TMCC1: variants seen among roughly 807,000 people sequenced by gnomAD.
TMCC1 encodes the protein transmembrane and coiled-coil domain family 1.
In TMCC1, 15 loss-of-function variants were observed where a neutral mutation model predicts 52.4. The observed-to-expected ratio is 0.29, with a 90% CI of 0.19 to 0.44. TMCC1 has a LOEUF of 0.44. TMCC1 is among the 20% of genes least tolerant of loss of function. The probability of loss-of-function intolerance (pLI) is 1.00; values close to 1 mark genes in which losing one functional copy is unlikely to be tolerated. For synonymous variants in TMCC1, 279 were observed against 301.9 expected (o/e 0.92, Z 0.79); for missense variants, 503 against 806.0 (o/e 0.62, Z 4.55).
At chr3:129,735,248 T>C (rs1365626003) in intron 4 of TMCC1, among the ~76,000 whole-genome samples, 1 of 152,122 alleles carries the variant, frequency 6.6e-6, no homozygotes, top group Non-Finnish European at 1.5e-5. Context: ...AAAAAAACTA[T>C]GAGAACATAT....
intron 2 of TMCC1, among the ~76,000 whole-genome samples, chr3:129,871,671 A>T (rs2060936828): frequency 1.3e-5 from 2 of 152,224 alleles, no homozygotes; most frequent in Non-Finnish European, 2.9e-5. Context: ...TTTGCAACAC[A>T]TAAGCTAATT....
chr3:129,820,165 T>C (rs1418522092), intron 4 of TMCC1, among the ~76,000 whole-genome samples: 1 of 150,154 alleles, frequency 6.7e-6, no homozygotes, highest in East Asian at 2.0e-4. Context: ...AAAGCATGAC[T>C]TCTAGAGCTA....
intron 4 of TMCC1, among the ~76,000 whole-genome samples, chr3:129,681,138 A>G (rs2088941131): frequency 6.6e-6 from 1 of 152,168 alleles, no homozygotes; most frequent in Admixed American, 6.5e-5. Flanking sequence ...TATAATATTT[A>G]TGGCATTTTC....
intron 4 of TMCC1, among the ~76,000 whole-genome samples, chr3:129,718,868 T>C (rs1359908310): frequency 6.6e-6 from 1 of 152,152 alleles, no homozygotes; most frequent in East Asian, 1.9e-4. Context: ...TTGATAAGGC[T>C]CTGGTCAGCA....
intron 5 of TMCC1, among the ~76,000 whole-genome samples, chr3:129,656,465 T>C (rs1462654439): frequency 6.6e-6 from 1 of 152,246 alleles, no homozygotes; most frequent in African/African-American, 2.4e-5. Flanking sequence ...CCTTTCTTTC[T>C]TCTTTTTAAT....
At chr3:129,796,174 T>A (rs1299425246) in intron 4 of TMCC1, among the ~76,000 whole-genome samples, 1 of 152,212 alleles carries the variant, frequency 6.6e-6, no homozygotes, top group Non-Finnish European at 1.5e-5. Context: ...TTAGATACAC[T>A]AATACATACC....
chr3:129,727,428 A>G (rs1378429976), intron 4 of TMCC1, among the ~76,000 whole-genome samples: 1 of 152,216 alleles, frequency 6.6e-6, no homozygotes, highest in Non-Finnish European at 1.5e-5. Context: ...AGGTACACAA[A>G]GAATGAAGTT....
intron 2 of TMCC1, among the ~76,000 whole-genome samples, chr3:129,874,631 AT>A (rs1361769355): frequency 1.3e-5 from 2 of 152,190 alleles, no homozygotes; most frequent in African/African-American, 2.4e-5. Flanking sequence ...CTGAGGTGGA[AT>A]GACTGCTTGA....
chr3:129,858,337 A>G (rs1447918132), intron 2 of TMCC1, among the ~76,000 whole-genome samples: 1 of 151,240 alleles, frequency 6.6e-6, no homozygotes, highest in Non-Finnish European at 1.5e-5. Flanking sequence ...AATTACAGGA[A>G]CCTTAAGGAT....
Position 129,651,336 on chromosome 3 carries a change from G to T in TMCC1, c.*145C>A. On this transcript the variant is annotated 3_prime_UTR_variant, in exon 7 of 7. Transcript: ENST00000393238. This position sits in a 1 kb window ranked among gnomAD's most constrained non-coding sequence, Gnocchi z 5.1. Reference sequence around the variant, plus strand: ...AAATACTATTGCAATTGCGTCTCTTGAAGAAAAAAACATTATTCTAAATGT... The same window carrying T: ...AAATACTATTGCAATTGCGTCTCTTTAAGAAAAAAACATTATTCTAAATGT... 1.0e-6 allele frequency: 1 copy of T among 987,534 alleles called. No individual in the cohort carries two copies. The highest frequency in any genetic ancestry group is 1.5e-6 in the Non-Finnish European group (1 of 685,590). The allele number at this position is 987,534 out of a possible 1,614,324, so 61.2% of individuals were successfully genotyped here.
At chr3:129,854,382 T>C (rs1021131038) in intron 2 of TMCC1, among the ~76,000 whole-genome samples, 1 of 103,126 alleles carries the variant, frequency 9.7e-6, no homozygotes, top group African/African-American at 3.8e-5. Context: ...AGTGAGACTC[T>C]GTGTCAAAAA....
intron 4 of TMCC1, among the ~76,000 whole-genome samples, chr3:129,693,422 T>C (rs1426499582): frequency 6.6e-6 from 1 of 152,120 alleles, no homozygotes; most frequent in East Asian, 1.9e-4. Context: ...TCAAGTATTG[T>C]TTCTTATCCA....
intron 1 of TMCC1, among the ~76,000 whole-genome samples, chr3:129,884,793 T>C (rs942418646): frequency 4.6e-5 from 7 of 152,176 alleles, no homozygotes; most frequent in African/African-American, 1.7e-4. Flanking sequence ...GGTCAATATA[T>C]AATTTATCGA....
intron 2 of TMCC1, among the ~76,000 whole-genome samples, chr3:129,866,333 TA>T (rs1461269699): frequency 2.8e-5 from 4 of 142,256 alleles, no homozygotes; most frequent in Non-Finnish European, 6.0e-5. Flanking sequence ...CATATATACA[TA>T]ATATATATTA....
At chr3:129,683,155 G>T (rs1278807464) in intron 4 of TMCC1, among the ~76,000 whole-genome samples, 1 of 152,238 alleles carries the variant, frequency 6.6e-6, no homozygotes, top group African/African-American at 2.4e-5. Flanking sequence ...TTTTTAAGCA[G>T]CTTCTAAGTT....
At chr3:129,766,019 G>A (rs950735174) in intron 4 of TMCC1, among the ~76,000 whole-genome samples, 1 of 152,106 alleles carries the variant, frequency 6.6e-6, no homozygotes, top group Non-Finnish European at 1.5e-5. Flanking sequence ...TTGGGACTGT[G>A]TTCTCCTGAG....
At chr3:129,848,993 A>G (rs1322725530) in intron 2 of TMCC1, among the ~76,000 whole-genome samples, 1 of 152,222 alleles carries the variant, frequency 6.6e-6, no homozygotes, top group Admixed American at 6.5e-5. Flanking sequence ...TAAAGAATAA[A>G]TGACACAATA....
chr3:129,665,134 T>A (rs534407817), intron 5 of TMCC1, among the ~76,000 whole-genome samples: 1 of 152,340 alleles, frequency 6.6e-6, no homozygotes, highest in South Asian at 2.1e-4. Flanking sequence ...CATAGCTGAA[T>A]GCACAATGGT....
chr3:129,810,890 T>C (rs1243577642), intron 4 of TMCC1, among the ~76,000 whole-genome samples: 1 of 152,262 alleles, frequency 6.6e-6, no homozygotes, highest in Non-Finnish European at 1.5e-5. Flanking sequence ...GTCTTGAACA[T>C]CTACAACTGT....
Sources: gnomAD v4.1 joint callset for allele counts (sites outside exome capture counted in the v4.1 genomes callset) on GRCh38, gnomAD v4.1.1 for gene constraint, Gnocchi (gnomAD v3.1) non-coding constraint, MANE v1.5 for transcripts, NCBI Gene and HGNC (gene_info 2026-07-23, HGNC 2026-07-21) for gene names.